ABI2: variants seen among roughly 807,000 people sequenced by gnomAD.
The protein encoded by ABI2 is abl interactor 2, also known as abelson interactor 2.
A neutral mutation model predicts 59.2 loss-of-function variants in ABI2; 25 were observed. The observed-to-expected ratio is 0.42, with a 90% CI of 0.31 to 0.59. The LOEUF is 0.59. ABI2 is among the 20% of genes least tolerant of loss of function. The pLI is 0.14. For missense variants in ABI2, 545 were observed against 681.8 expected (o/e 0.80, Z 2.23); for synonymous variants, 213 against 235.5 (o/e 0.90, Z 0.87).
At chr2:203,409,626 C>T (rs1434312053) in intron 9 of ABI2, among the ~76,000 whole-genome samples, 2 of 152,196 alleles carry the variant, frequency 1.3e-5, no homozygotes. Context: ...CTAGCTAAAT[C>T]ATTAATTGCC....
rs1344490459 is a variant in ABI2, at chr2:203,427,937, T to C, written c.*585T>C. On this transcript the variant is annotated 3_prime_UTR_variant, in exon 12 of 12. Coordinates refer to ENST00000261018, the MANE Select transcript of ABI2 (RefSeq NM_001375670.1). Reference sequence around the variant, plus strand: ...TCAGCACTTGAGTGCACCAAACGAGTGAATGCTGAACTCACTTGCATCCCT... The same window carrying C: ...TCAGCACTTGAGTGCACCAAACGAGCGAATGCTGAACTCACTTGCATCCCT... The C allele has an allele frequency of 6.6e-6, 1 of 152,212 alleles. No individual in the cohort carries two copies. Among genetic ancestry groups the C allele is most frequent in the South Asian group, 2.1e-4 (1 of 4,836 alleles). The allele number at this position is 152,212 out of a possible 1,614,324, so 9.4% of individuals were successfully genotyped here.
At chr2:203,409,082 C>G (rs1021307944) in intron 9 of ABI2, among the ~76,000 whole-genome samples, 3 of 151,694 alleles carry the variant, frequency 2.0e-5, no homozygotes, top group Non-Finnish European at 4.4e-5. Flanking sequence ...TCATGATCCA[C>G]CCGCCTCGGC....
intron 1 of ABI2, among the ~76,000 whole-genome samples, chr2:203,353,017 A>G (rs1288492133): frequency 2.2e-4 from 34 of 151,798 alleles, no homozygotes; most frequent in Admixed American, 2.2e-3. Context: ...CCTAGTGTGT[A>G]GTATGCTCTT....
At chr2:203,415,160 T>G (rs895360893) in intron 10 of ABI2, among the ~76,000 whole-genome samples, 9 of 152,346 alleles carry the variant, frequency 5.9e-5, no homozygotes, top group African/African-American at 2.2e-4. Flanking sequence ...ATCTTTTGTT[T>G]ATTAATAAAA....
At chr2:203,384,103 G>C (rs1214196556) in intron 4 of ABI2, among the ~76,000 whole-genome samples, 1 of 152,018 alleles carries the variant, frequency 6.6e-6, no homozygotes, top group Non-Finnish European at 1.5e-5. Context: ...TTTTTCTTCA[G>C]TCAAGTTACA....
intron 4 of ABI2, among the ~76,000 whole-genome samples, chr2:203,384,632 G>T (rs1214522659): frequency 1.3e-5 from 2 of 151,538 alleles, no homozygotes; most frequent in Admixed American, 6.6e-5. Context: ...GTAGTAAAAA[G>T]AATTTTAAGA....
chr2:203,378,656 A>T (rs2095879893), intron 2 of ABI2, among the ~76,000 whole-genome samples: 1 of 152,120 alleles, frequency 6.6e-6, no homozygotes, highest in Non-Finnish European at 1.5e-5. Context: ...TAATGTCATG[A>T]TGATTATCTT....
At chr2:203,350,199 T>G (rs2086843760) in intron 1 of ABI2, among the ~76,000 whole-genome samples, 1 of 152,118 alleles carries the variant, frequency 6.6e-6, no homozygotes, top group Admixed American at 6.6e-5. Context: ...GCCTCAACCT[T>G]TTGAGTAGCT....
intron 9 of ABI2, 114 bp from the exon 10 acceptor site, chr2:203,411,171 A>T (rs2097658656): frequency 2.4e-6 from 2 of 829,194 alleles, no homozygotes; most frequent in Non-Finnish European, 4.1e-6. Context: ...CACTGATAAA[A>T]TGTTTGTGAA....
At chr2:203,374,435 G>A (rs2095537335) in intron 2 of ABI2, among the ~76,000 whole-genome samples, 2 of 149,224 alleles carry the variant, frequency 1.3e-5, no homozygotes, top group African/African-American at 5.0e-5. Flanking sequence ...GGGAGCGGAG[G>A]TTGCAGTGAG....
chr2:203,382,856 G>A (rs573120553), intron 4 of ABI2, among the ~76,000 whole-genome samples: 1 of 151,988 alleles, frequency 6.6e-6, no homozygotes, highest in Non-Finnish European at 1.5e-5. Context: ...GCTTTTAAAG[G>A]TGAATATAAT....
intron 1 of ABI2, among the ~76,000 whole-genome samples, chr2:203,350,862 T>TTGTG (rs200198424): frequency 0.025 from 3,422 of 137,872 alleles, 132 homozygotes; most frequent in African/African-American, 0.083. Context: ...GTTGTGTGTT[T>TTGTG]TGTGTGTGTG....
In ABI2 at chr2:203,396,886, G is replaced by A. The variant is rs1385443617; in HGVS notation, c.952G>A (p.Ala318Thr). Residue 318 changes from alanine to threonine, a missense_variant, in exon 8 of 12, where the codon GCT becomes ACT. Ala to Thr is a moderately conservative substitution (Grantham distance 58). This residue lies in a region of ABI2 where 410 missense variants were observed against 435.6 expected (regional missense o/e 0.94). Transcript: ENST00000261018. ...ATVPSSTAPDAAAGGAQTLAD... is the reference protein window; with the variant it reads ...ATVPSSTAPDTAAGGAQTLAD... Reference sequence around the variant, plus strand: ...TGTCCCTTCCTCCACTGCCCCAGACGCTGCTGCTGGGGGTGCCCAGACCCT... The same window carrying A: ...TGTCCCTTCCTCCACTGCCCCAGACACTGCTGCTGGGGGTGCCCAGACCCT... 2.1e-5 allele frequency: 32 copies of A among 1,533,672 alleles called. No homozygotes were observed. The highest frequency in any genetic ancestry group is 2.5e-5 in the Non-Finnish European group (29 of 1,146,110).
At chr2:203,356,362 AATTTT>A (rs2091963553) in intron 1 of ABI2, among the ~76,000 whole-genome samples, 1 of 151,452 alleles carries the variant, frequency 6.6e-6, no homozygotes, top group Non-Finnish European at 1.5e-5. Flanking sequence ...AATTTAATGA[AATTTT>A]ATTTTATTTT....
At chr2:203,370,186 T>TTCTCTCTC (rs71007509) in intron 2 of ABI2, among the ~76,000 whole-genome samples, 579 of 136,710 alleles carry the variant, frequency 4.2e-3, no homozygotes, top group East Asian at 0.012. Flanking sequence ...CATTCTCCTA[T>TTCTCTCTC]TCTCTCTCTC....
intron 4 of ABI2, among the ~76,000 whole-genome samples, chr2:203,384,300 T>TTTTTTGTTTTG (rs2096340466): frequency 9.8e-6 from 1 of 102,418 alleles, no homozygotes; most frequent in African/African-American, 3.6e-5. Flanking sequence ...GTTTTTTTTT[T>TTTTTTGTTTTG]TTTTTTTTTT....
chr2:203,338,983 AATATATATATATATATATATATAT>A (rs1212962939), intron 1 of ABI2, among the ~76,000 whole-genome samples: 15 of 12,336 alleles, frequency 1.2e-3, no homozygotes, highest in African/African-American at 3.7e-3. Flanking sequence ...TATATATATA[AATATATATATATATATATATATAT>A]AAAGGATTCA....
intron 10 of ABI2, among the ~76,000 whole-genome samples, chr2:203,413,673 T>C (rs1055609552): frequency 1.3e-5 from 2 of 152,210 alleles, no homozygotes; most frequent in African/African-American, 4.8e-5. Context: ...AGTCAAATAA[T>C]AAACATTATT....
At chr2:203,386,800 G>A (rs2096542525) in intron 4 of ABI2, among the ~76,000 whole-genome samples, 1 of 151,452 alleles carries the variant, frequency 6.6e-6, no homozygotes, top group Non-Finnish European at 1.5e-5. Context: ...CACCATGCCC[G>A]GCTAATTTTT....
Sources: gnomAD v4.1 joint callset for allele counts (sites outside exome capture counted in the v4.1 genomes callset) on GRCh38, gnomAD v4.1.1 for gene constraint, gnomAD v4.1.1 regional missense constraint, MANE v1.5 for transcripts, NCBI Gene and HGNC (gene_info 2026-07-23, HGNC 2026-07-21) for gene names.